Variants in SH3RF3 observed in about 807,000 individuals in gnomAD.
SH3RF3 encodes SH3 domain containing ring finger 3.
A neutral mutation model predicts 66.3 loss-of-function variants in SH3RF3; 29 were observed. The observed-to-expected ratio is 0.44, with a 90% CI of 0.33 to 0.60. SH3RF3 has a LOEUF of 0.60. Among genes scored for constraint, SH3RF3 ranks in the 20% least tolerant of loss-of-function variants. SH3RF3 has a pLI of 0.04. For missense variants in SH3RF3, 1,194 were observed against 1,190.9 expected (o/e 1.00, Z -0.04); for synonymous variants, 583 against 532.0 (o/e 1.10, Z -1.32).
chr2:109,404,255 A>G (rs1032796533), intron 4 of SH3RF3, among the ~76,000 whole-genome samples: 1 of 152,184 alleles, frequency 6.6e-6, no homozygotes, highest in African/African-American at 2.4e-5. Flanking sequence ...TTTGCAGGAA[A>G]GGGCTTTAGG....
intron 3 of SH3RF3, among the ~76,000 whole-genome samples, chr2:109,374,865 A>G (rs1683346990): frequency 6.6e-6 from 1 of 152,168 alleles, no homozygotes; most frequent in Admixed American, 6.5e-5. Flanking sequence ...AGCGCAGCTC[A>G]GGCCATGATG....
intron 1 of SH3RF3, among the ~76,000 whole-genome samples, chr2:109,171,541 C>T (rs551081854): frequency 3.9e-5 from 6 of 152,382 alleles, no homozygotes; most frequent in African/African-American, 1.4e-4. Flanking sequence ...TCGCCCGCGG[C>T]GGGCCAGGGA....
At chr2:109,169,771 CAT>C (rs1475971029) in intron 1 of SH3RF3, among the ~76,000 whole-genome samples, 9 of 147,884 alleles carry the variant, frequency 6.1e-5, no homozygotes, top group Non-Finnish European at 1.0e-4. Context: ...CACACACACA[CAT>C]GACCCCCCAA....
chr2:109,495,100 C>T (rs1250273660), intron 9 of SH3RF3, among the ~76,000 whole-genome samples: 2 of 152,208 alleles, frequency 1.3e-5, no homozygotes, highest in Non-Finnish European at 2.9e-5. Context: ...GGCCATGCCC[C>T]GTTCCTTCCA....
rs34592741 is a variant in SH3RF3, at chr2:109,249,532, TTTCCTTCCTTCCTTCCTTCC to T, written c.574-98107_574-98088del. ...TTCATTCTTTCTTTTTCTTTCTTTC[TTTCCTTCCTTCCTTCCTTCC>T]TTCCTTCCTTCCTTCCTTCCTTCCT... is the stretch of plus-strand genomic sequence containing the variant. On this transcript the variant is annotated intron_variant, in intron 1 of 9. Transcript: ENST00000309415. Among the ~76,000 whole-genome samples the T allele has an allele frequency of 6.3e-3, 611 of 96,420 alleles. 6 individuals carry two copies. Among genetic ancestry groups the T allele is most frequent in the Non-Finnish European group, 9.0e-3 (444 of 49,230 alleles). The allele number at this position is 96,420 out of a possible 152,430, so 63.3% of individuals were successfully genotyped here.
At chr2:109,144,137 C>T (rs1336705357) in intron 1 of SH3RF3, among the ~76,000 whole-genome samples, 1 of 152,112 alleles carries the variant, frequency 6.6e-6, no homozygotes, top group Non-Finnish European at 1.5e-5. Flanking sequence ...GCATGGTGAC[C>T]ATAGTTAACA....
chr2:109,359,757 C>G (rs982955384), intron 2 of SH3RF3, among the ~76,000 whole-genome samples: 9 of 152,144 alleles, frequency 5.9e-5, no homozygotes, highest in Non-Finnish European at 1.3e-4. Flanking sequence ...ACACAACACA[C>G]AGTTTCTTCA....
intron 1 of SH3RF3, among the ~76,000 whole-genome samples, chr2:109,299,440 G>T (rs1681403038): frequency 6.6e-6 from 1 of 151,722 alleles, no homozygotes; most frequent in Admixed American, 6.6e-5. Context: ...TCACCCTAAG[G>T]GTGATCTTAA....
chr2:109,175,097 C>CT (rs1677885573), intron 1 of SH3RF3, among the ~76,000 whole-genome samples: 1 of 83,248 alleles, frequency 1.2e-5, no homozygotes, highest in East Asian at 5.7e-4. Flanking sequence ...CTAAGAAGTG[C>CT]ATTCATGCCT....
intron 1 of SH3RF3, among the ~76,000 whole-genome samples, chr2:109,292,084 C>T (rs1467134607): frequency 1.3e-5 from 2 of 152,300 alleles, no homozygotes; most frequent in South Asian, 2.1e-4. Flanking sequence ...AGGATGGTCT[C>T]GATCTCCTGA....
chr2:109,350,598 G>A (rs540783342), intron 2 of SH3RF3, among the ~76,000 whole-genome samples: 14 of 152,270 alleles, frequency 9.2e-5, no homozygotes, highest in Non-Finnish European at 7.4e-5. Flanking sequence ...CTCAGTGTCC[G>A]CAAATAAAGG....
intron 8 of SH3RF3, among the ~76,000 whole-genome samples, chr2:109,486,191 A>G (rs916253336): frequency 2.0e-5 from 3 of 152,242 alleles, no homozygotes; most frequent in Non-Finnish European, 4.4e-5. Flanking sequence ...ACCGAGTTGC[A>G]TGACGACCAT....
chr2:109,219,527 G>A (rs1262866538), intron 1 of SH3RF3, among the ~76,000 whole-genome samples: 1 of 152,182 alleles, frequency 6.6e-6, no homozygotes, highest in East Asian at 1.9e-4. Context: ...TCTGTTTGCA[G>A]ATGATACGAT....
At chr2:109,233,689 C>T (rs938714137) in intron 1 of SH3RF3, among the ~76,000 whole-genome samples, 1 of 152,240 alleles carries the variant, frequency 6.6e-6, no homozygotes, top group African/African-American at 2.4e-5. Flanking sequence ...AGATGCAGAG[C>T]TCTATCCTTT....
intron 1 of SH3RF3, among the ~76,000 whole-genome samples, chr2:109,310,457 C>G (rs2105425119): frequency 2.7e-5 from 1 of 36,454 alleles, no homozygotes; most frequent in South Asian, 1.0e-3. Context: ...CAAACACATT[C>G]AAAAGCTAGC....
intron 3 of SH3RF3, among the ~76,000 whole-genome samples, chr2:109,381,083 C>G (rs536277125): frequency 4.6e-5 from 7 of 152,342 alleles, no homozygotes; most frequent in African/African-American, 1.7e-4. Context: ...ACCAAGTGGT[C>G]TACCACTTGC....
chr2:109,399,161 G>C (rs72824740), intron 4 of SH3RF3, among the ~76,000 whole-genome samples: 2 of 152,096 alleles, frequency 1.3e-5, no homozygotes, highest in African/African-American at 2.4e-5. Flanking sequence ...AGATGGCCTC[G>C]TGGTGTGTGA....
chr2:109,347,693 A>G lies in SH3RF3; in HGVS notation c.593A>G (p.Tyr198Cys), dbSNP rs758770581. The G allele has an allele frequency of 2.5e-5, 41 of 1,613,484 alleles. No individual in the cohort carries two copies. The East Asian group carries it at 4.9e-4, about 19-fold the overall frequency. The part of the protein sequence containing the change: ...PAAKNPCLLP[Y>C]GKALYSYEGK... ...TTGCAGAATCCCTGCCTGCTTCCCT[A>G]TGGCAAGGCCCTCTACAGCTACGAG... Residue 198 changes from tyrosine (Y) to cysteine (C), a missense_variant, in exon 2 of 10, where the codon TAT (tyrosine) becomes TGT (cysteine). Transcript: ENST00000309415.
intron 1 of SH3RF3, among the ~76,000 whole-genome samples, chr2:109,229,992 T>C (rs1679466174): frequency 6.6e-6 from 1 of 151,884 alleles, no homozygotes; most frequent in African/African-American, 2.4e-5. Context: ...GCCCGGCTAA[T>C]TTTTTGTATA....
Sources: gnomAD v4.1 joint callset for allele counts (sites outside exome capture counted in the v4.1 genomes callset) on GRCh38, gnomAD v4.1.1 for gene constraint, MANE v1.5 for transcripts, NCBI Gene and HGNC (gene_info 2026-07-23, HGNC 2026-07-21) for gene names.